BIRC6: variants seen among roughly 807,000 people sequenced by gnomAD.
The protein encoded by BIRC6 is baculoviral IAP repeat containing 6, also known as dual E2 ubiquitin-conjugating enzyme/E3 ubiquitin-protein ligase BIRC6.
A neutral mutation model predicts 503.3 loss-of-function variants in BIRC6; 98 were observed. The ratio of observed to expected loss-of-function variants is 0.19; its 90% CI spans 0.17 to 0.23. BIRC6 has a LOEUF of 0.23. Ranked by LOEUF, BIRC6 falls within the 10% of genes least tolerant of loss-of-function variation. The pLI is 1.00. For missense variants in BIRC6, 5,360 were observed against 5,806.0 expected (o/e 0.92, Z 2.50); for synonymous variants, 2,240 against 2,078.7 (o/e 1.08, Z -2.11).
chr2:32,516,949 A>G (rs758306063), intron 55 of BIRC6, among the ~76,000 whole-genome samples: 2 of 152,316 alleles, frequency 1.3e-5, no homozygotes, highest in Non-Finnish European at 2.9e-5. Context: ...TTGTTATTTA[A>G]TAGTGCTCAT....
In BIRC6 at chr2:32,359,130, G is replaced by A. The variant is rs182892381; in HGVS notation, c.325+1644G>A. Reference sequence around the variant, plus strand: ...TCTCCAATCCTCCCTCTTCATAAACGTTATCTTTAATTTGATTTTATCCTT... The same window carrying A: ...TCTCCAATCCTCCCTCTTCATAAACATTATCTTTAATTTGATTTTATCCTT... On this transcript the variant is annotated intron_variant, in intron 1 of 73. Coordinates refer to ENST00000421745, the MANE Select transcript of BIRC6 (RefSeq NM_016252.4). 4.6e-5 allele frequency among the ~76,000 whole-genome samples: 7 copies of A among 152,176 alleles called. No homozygotes were observed. The East Asian group carries it at 1.3e-3, about 29-fold the overall frequency.
rs1187251828 is a variant in BIRC6, at chr2:32,476,222, C to T, written c.6730C>T (p.Leu2244=). The change falls in exon 34 of 74, where the codon CTA becomes TTA. Residue 2244 remains leucine, a synonymous_variant. Transcript: ENST00000421745. The part of the protein sequence containing the change: ...QLVHHKQQLN[L]LKAKQKALVE... ...TATTTGTTTTATAAAGCAACTTAAC[C>T]TACTAAAAGCAAAGCAGAAGGCATT... is the stretch of plus-strand genomic sequence containing the variant. 6.5e-7 allele frequency: 1 copy of T among 1,537,860 alleles called. No homozygotes were observed. The highest frequency in any genetic ancestry group is 2.5e-5 in the East Asian group (1 of 40,606).
chr2:32,590,669 C>T (rs2061339163), intron 66 of BIRC6: 1 of 447,028 alleles, frequency 2.2e-6, no homozygotes, highest in African/African-American at 2.1e-5. Flanking sequence ...TCACATCCTA[C>T]TTCAGATATG....
intron 65 of BIRC6, among the ~76,000 whole-genome samples, chr2:32,572,644 G>A (rs911796401): frequency 2.6e-5 from 4 of 152,090 alleles, no homozygotes; most frequent in Admixed American, 2.0e-4. Context: ...GAATAACATA[G>A]TATCTTATAA....
At chr2:32,411,306 T>C (rs2041847508) in intron 9 of BIRC6, among the ~76,000 whole-genome samples, 1 of 152,006 alleles carries the variant, frequency 6.6e-6, no homozygotes, top group African/African-American at 2.4e-5. Context: ...GCCAAAGTGC[T>C]GGGATTACAG....
intron 71 of BIRC6, among the ~76,000 whole-genome samples, chr2:32,606,338 A>C (rs1301283538): frequency 6.6e-6 from 1 of 152,196 alleles, no homozygotes; most frequent in East Asian, 1.9e-4. Context: ...CTGTAATCTC[A>C]GCACTTTGGG....
At position 32,357,208 on chromosome 2, in the gene BIRC6, C is replaced by G. The variant is rs539275342; in HGVS notation, c.47C>G (p.Pro16Arg). Residue 16 changes from proline (P) to arginine (R), a missense_variant, in exon 1 of 74, where the codon CCG becomes CGG. Pro to Arg is a moderately radical substitution (Grantham distance 103, BLOSUM62 -2). Transcript: ENST00000421745. The surrounding 1 kb of genome is among the most constrained non-coding windows in gnomAD (Gnocchi z 4.9). ...GAAPPGTVTE[P>R]LPSVIVLSAG... ...GCACCTCCCGGGACTGTCACTGAGC[C>G]GCTTCCCAGTGTGATTGTGCTGAGC... The G allele has an allele frequency of 2.6e-6, 4 of 1,538,800 alleles. No homozygotes were observed. The highest frequency in any genetic ancestry group is 5.2e-5 in the East Asian group (2 of 38,770).
intron 13 of BIRC6, among the ~76,000 whole-genome samples, chr2:32,435,230 A>T (rs535600401): frequency 6.6e-6 from 1 of 152,314 alleles, no homozygotes; most frequent in East Asian, 1.9e-4. Flanking sequence ...AAGAACTTTT[A>T]GTTTAGTTGC....
At position 32,502,906 on chromosome 2, in the gene BIRC6, C is replaced by T. The variant is rs1165044785; in HGVS notation, c.9304+15C>T. 1 of 1,575,386 alleles carries T rather than the reference C, an allele frequency of 6.3e-7. No homozygotes were observed. Among genetic ancestry groups the T allele is most frequent in the South Asian group, 1.1e-5 (1 of 87,166 alleles). ...TCATGATATGGGTAAGATAATATTTCAATAACTATCATTTAAGTGTAGTTA... is the reference window on the plus strand; with the variant it reads ...TCATGATATGGGTAAGATAATATTTTAATAACTATCATTTAAGTGTAGTTA... On this transcript the variant is annotated intron_variant, in intron 48 of 73. Coordinates refer to ENST00000421745, the MANE Select transcript of BIRC6 (RefSeq NM_016252.4).
chr2:32,436,395 A>G (rs927248518), intron 15 of BIRC6, among the ~76,000 whole-genome samples: 1 of 152,166 alleles, frequency 6.6e-6, no homozygotes, highest in Non-Finnish European at 1.5e-5. Flanking sequence ...AAGAGGTCTC[A>G]GTGCTTTTTG....
chr2:32,460,264 ATATATATATTTTTTTT>A (rs2047712744), intron 23 of BIRC6, among the ~76,000 whole-genome samples: 3 of 29,484 alleles, frequency 1.0e-4, no homozygotes, highest in African/African-American at 4.1e-4. Flanking sequence ...ATATATATAT[ATATATATATTTTTTTT>A]TTTTTTTTTT....
At position 32,499,696 on chromosome 2, in the gene BIRC6, G is replaced by T. The variant is rs773454548; in HGVS notation, c.8618G>T (p.Cys2873Phe). Residue 2873 changes from cysteine to phenylalanine, a missense_variant, in exon 46 of 74, where the codon TGC (cysteine) becomes TTC (phenylalanine). Physicochemically the swap from Cys to Phe is radical, Grantham distance 205. Around this residue, in one of 16 missense-constraint regions of BIRC6, gnomAD observed 2,299 missense variants for 2,267.2 expected, o/e 1.01. Coordinates refer to ENST00000421745, the MANE Select transcript of BIRC6 (RefSeq NM_016252.4). Reference sequence around the variant, plus strand: ...TTTTTAGTGCACCACTATATCACTTGCTCAGACAAAGTAATGTCAAGAAGT... The same window carrying T: ...TTTTTAGTGCACCACTATATCACTTTCTCAGACAAAGTAATGTCAAGAAGT... ...VTFLVHHYIT[C>F]SDKVMSRSGS... is the part of the protein sequence containing the mutation. The T allele has an allele frequency of 1.9e-6, 3 of 1,613,850 alleles. No individual in the cohort carries two copies. Among genetic ancestry groups the T allele is most frequent in the Non-Finnish European group, 2.5e-6 (3 of 1,179,882 alleles).
Position 32,611,574 on chromosome 2 carries a change from G to T in BIRC6, c.14386G>T (p.Ala4796Ser). Residue 4796 changes from alanine (A) to serine (S), a missense_variant, in exon 73 of 74, where the codon GCT (alanine) becomes TCT (serine). Coordinates refer to ENST00000421745, the MANE Select transcript of BIRC6 (RefSeq NM_016252.4). ...CAGGACTATGTCTCACCATGCAGCA[G>T]CTCTCAAGGTGAGTAAGCCTCTCTA... ...VGRTMSHHAAALKRHTAQLRE... is the reference protein window; with the variant it reads ...VGRTMSHHAASLKRHTAQLRE... 1 of 1,581,210 alleles carries T rather than the reference G, an allele frequency of 6.3e-7. No individual in the cohort carries two copies. Among genetic ancestry groups the T allele is most frequent in the Non-Finnish European group, 8.6e-7 (1 of 1,160,802 alleles).
At chr2:32,535,363 T>TA (rs757488209) in intron 61 of BIRC6, among the ~76,000 whole-genome samples, 1 of 152,178 alleles carries the variant, frequency 6.6e-6, no homozygotes, top group African/African-American at 2.4e-5. Flanking sequence ...GCAGGTTTGT[T>TA]ACACATGTAT....
rs1273181959 is a variant in BIRC6 at position 32,481,369 on chromosome 2, G to A, written c.7458G>A (p.Glu2486=). The A allele has an allele frequency of 5.6e-6, 9 of 1,610,850 alleles. No homozygotes were observed. Among genetic ancestry groups the A allele is most frequent in the African/African-American group, 1.3e-5 (1 of 74,708 alleles). Residue 2486 remains glutamate, a synonymous_variant, in exon 38 of 74, where the codon GAG becomes GAA. Transcript: ENST00000421745. ...SLEKDKEIDL[E]LLQDLMEVDI... Reference sequence around the variant, plus strand: ...AAAAAGATAAAGAAATTGACCTTGAGTTACTTCAGGATCTAATGGAAGTTG... The same window carrying A: ...AAAAAGATAAAGAAATTGACCTTGAATTACTTCAGGATCTAATGGAAGTTG...
intron 62 of BIRC6, among the ~76,000 whole-genome samples, chr2:32,543,859 G>A (rs1340449601): frequency 6.6e-6 from 1 of 152,180 alleles, no homozygotes; most frequent in Non-Finnish European, 1.5e-5. Context: ...AACAAGGGAT[G>A]TACATAAACA....
chr2:32,358,859 G>T (rs1388355102), intron 1 of BIRC6, among the ~76,000 whole-genome samples: 3 of 152,168 alleles, frequency 2.0e-5, no homozygotes, highest in African/African-American at 7.2e-5. Flanking sequence ...TAAATGATGG[G>T]GTGGCCCAGA....
chr2:32,509,606 C>A, intron 51 of BIRC6, 132 bp from the exon 52 acceptor site: 1 of 1,032,946 alleles, frequency 9.7e-7, no homozygotes, highest in Non-Finnish European at 1.4e-6. Context: ...TTGCAGCATT[C>A]TAAAAAAACA....
intron 51 of BIRC6, 96 bp downstream of exon 51, chr2:32,508,355 T>G: frequency 7.2e-7 from 1 of 1,381,782 alleles, no homozygotes; most frequent in Non-Finnish European, 9.5e-7. Flanking sequence ...TTTTCTTTTT[T>G]AGGTCTTAGG....
Sources: allele counts gnomAD v4.1 joint callset (sites outside exome capture counted in the v4.1 genomes callset), GRCh38; gene constraint gnomAD v4.1.1; regional missense constraint gnomAD v4.1.1; non-coding constraint Gnocchi (gnomAD v3.1); transcripts MANE v1.5; gene names NCBI Gene and HGNC (gene_info 2026-07-23, HGNC 2026-07-21).